PDPN: variants seen among roughly 807,000 people sequenced by gnomAD.
The protein encoded by PDPN is PA2.26 antigen.
Under a neutral mutation model 23.2 loss-of-function variants are expected in PDPN, and 12 were observed. The ratio of observed to expected loss-of-function variants is 0.52; its 90% CI spans 0.33 to 0.84. The LOEUF is 0.84. PDPN is among the 40% of genes least tolerant of loss of function. PDPN has a pLI of 0.02. For synonymous variants in PDPN, 77 were observed against 76.7 expected, an observed-to-expected ratio of 1.00 and a Z score of -0.02; for missense variants, 199 against 212.2, an observed-to-expected ratio of 0.94 and a Z score of 0.39.
chr1:13,596,549 A>C (rs1166648033), intron 1 of PDPN, among the ~76,000 whole-genome samples: 1 of 152,232 alleles, frequency 6.6e-6, no homozygotes, highest in East Asian at 1.9e-4. Context: ...TGGCTGCTTG[A>C]AGTTGAGGGC....
chr1:13,607,039 G>A, intron 1 of PDPN, 134 bp from the exon 2 acceptor site: 1 of 889,810 alleles, frequency 1.1e-6, no homozygotes, highest in Non-Finnish European at 1.7e-6. Context: ...ACCACAGTAA[G>A]CCACAAAAAG....
chr1:13,585,401 A>G lies in PDPN; in HGVS notation c.67+1301A>G, dbSNP rs561241996. On this transcript the variant is annotated intron_variant, in intron 1 of 5. Coordinates refer to ENST00000621990, the MANE Select transcript of PDPN (RefSeq NM_006474.5). ...GCCGTGGGTTATTCGTAGCAGTCCT[A>G]TCTTTGGAACTTCTCTTTCCACTGG... is the stretch of plus-strand genomic sequence containing the variant. The G allele has an allele frequency of 3.3e-5, 33 of 998,734 alleles. No individual in the cohort carries two copies. In the East Asian group the frequency reaches 1.0e-3, roughly 31 times the overall value. 61.9% of individuals were successfully genotyped at this position (998,734 alleles called of 1,614,324 possible). A position where few individuals can be genotyped will look rare whatever the true frequency, so the allele number is the denominator to read the frequency against.
chr1:13,589,459 T>A (rs1449175668), intron 1 of PDPN, among the ~76,000 whole-genome samples: 1 of 152,192 alleles, frequency 6.6e-6, no homozygotes, highest in Non-Finnish European at 1.5e-5. Flanking sequence ...CTGGTGTTAA[T>A]AGCGCTAACA....
chr1:13,614,546 A>C, intron 5 of PDPN, 135 bp downstream of exon 5: 1 of 637,842 alleles, frequency 1.6e-6, no homozygotes, highest in Non-Finnish European at 2.8e-6. Flanking sequence ...GCTGCTGGGC[A>C]CCTGCAGACC....
At chr1:13,615,758 G>A in intron 5 of PDPN, 147 bp from the exon 6 acceptor site, 1 of 794,524 alleles carries the variant, frequency 1.3e-6, no homozygotes, top group South Asian at 1.5e-5. Flanking sequence ...CGAAGGCATG[G>A]AGGAGGAATG....
intron 1 of PDPN, among the ~76,000 whole-genome samples, chr1:13,605,726 G>A (rs1011877154): frequency 2.0e-5 from 3 of 152,004 alleles, no homozygotes; most frequent in Non-Finnish European, 4.4e-5. Context: ...ATGTTCAAGC[G>A]ATTCTCCTGC....
intron 1 of PDPN, among the ~76,000 whole-genome samples, chr1:13,587,604 T>A (rs1260922085): frequency 1.3e-5 from 2 of 152,114 alleles, no homozygotes; most frequent in East Asian, 3.9e-4. Flanking sequence ...CCCCAAAACT[T>A]CTCAGGGAAG....
At chr1:13,600,036 C>T (rs1178325230) in intron 1 of PDPN, among the ~76,000 whole-genome samples, 1 of 152,276 alleles carries the variant, frequency 6.6e-6, no homozygotes, top group Admixed American at 6.5e-5. Flanking sequence ...AGGGGACACA[C>T]TGGAGGAGGT....
At chr1:13,585,490 C>G (rs898570229) in intron 1 of PDPN, 1 of 1,337,774 alleles carries the variant, frequency 7.5e-7, no homozygotes, top group Non-Finnish European at 9.8e-7. Flanking sequence ...GCAAATGACA[C>G]CGTTTTGTGC....
At chr1:13,602,441 C>A (rs1640669951) in intron 1 of PDPN, among the ~76,000 whole-genome samples, 1 of 152,040 alleles carries the variant, frequency 6.6e-6, no homozygotes, top group Admixed American at 6.5e-5. Flanking sequence ...CAAAAGAAGA[C>A]AAATGGATGA....
chr1:13,614,622 A>G (rs925154987), intron 5 of PDPN: 19 of 478,528 alleles, frequency 4.0e-5, no homozygotes, highest in Non-Finnish European at 5.3e-5. Context: ...TCATGTTCCA[A>G]AGTTCCTTAC....
chr1:13,594,446 G>A (rs2100223106), intron 1 of PDPN, among the ~76,000 whole-genome samples: 1 of 152,090 alleles, frequency 6.6e-6, no homozygotes, highest in East Asian at 1.9e-4. Context: ...CACCATCTAG[G>A]GCAGCTCAGT....
chr1:13,607,895 A>T (rs573965187), intron 2 of PDPN, among the ~76,000 whole-genome samples: 13 of 152,260 alleles, frequency 8.5e-5, no homozygotes, highest in African/African-American at 3.1e-4. Flanking sequence ...ACCTGAGGTC[A>T]GGAGTTCGAG....
Position 13,583,977 on chromosome 1 carries a change from C to T in PDPN, c.-57C>T, listed in dbSNP as rs1351407089. The T allele has an allele frequency of 6.2e-7, 1 of 1,613,734 alleles. No individual in the cohort carries two copies. Among genetic ancestry groups the T allele is most frequent in the Non-Finnish European group, 8.5e-7 (1 of 1,180,020 alleles). ...GTGGCCGCGGTGCTTTTTAATTTTC[C>T]CCCAGCTCAGAATCTTGCTGCTCGG... On this transcript the variant is annotated 5_prime_UTR_variant, in exon 1 of 6. Coordinates refer to ENST00000621990, the MANE Select transcript of PDPN (RefSeq NM_006474.5).
chr1:13,596,767 C>CAGCTAA (rs1640507361), intron 1 of PDPN, among the ~76,000 whole-genome samples: 1 of 152,192 alleles, frequency 6.6e-6, no homozygotes, highest in Non-Finnish European at 1.5e-5. Flanking sequence ...TCAAAAGGTA[C>CAGCTAA]AGCTAATAGA....
intron 1 of PDPN, among the ~76,000 whole-genome samples, chr1:13,591,829 G>A (rs1295003230): frequency 6.6e-6 from 1 of 152,184 alleles, no homozygotes; most frequent in Non-Finnish European, 1.5e-5. Flanking sequence ...CAAATAGCTG[G>A]GACTACAGGC....
chr1:13,588,024 T>A (rs1324693359), intron 1 of PDPN, among the ~76,000 whole-genome samples: 1 of 152,124 alleles, frequency 6.6e-6, no homozygotes, highest in East Asian at 1.9e-4. Flanking sequence ...TCAAGCTAAG[T>A]CCAGGGGGAA....
intron 1 of PDPN, among the ~76,000 whole-genome samples, chr1:13,586,093 A>G (rs1640171327): frequency 6.6e-6 from 1 of 152,092 alleles, no homozygotes; most frequent in Non-Finnish European, 1.5e-5. Context: ...CTGAACTTTC[A>G]TCAGGAAGGC....
At chr1:13,600,196 G>A (rs551341082) in intron 1 of PDPN, among the ~76,000 whole-genome samples, 2 of 152,258 alleles carry the variant, frequency 1.3e-5, no homozygotes, top group South Asian at 4.1e-4. Context: ...GAAGGGGAAG[G>A]ATCTCAGAAC....
Sources: gnomAD v4.1 joint callset for allele counts (sites outside exome capture counted in the v4.1 genomes callset) on GRCh38, gnomAD v4.1.1 for gene constraint, MANE v1.5 for transcripts, NCBI Gene and HGNC (gene_info 2026-07-23, HGNC 2026-07-21) for gene names.